The following RAPGEF6 variants were observed in gnomAD, a reference collection of about 807,000 sequenced individuals.
The protein encoded by RAPGEF6 is PDZ domain containing guanine nucleotide exchange factor (GEF) 2.
RAPGEF6 carries 56 observed loss-of-function variants against 171.4 expected under a neutral mutation model. The observed-to-expected ratio is 0.33, with a 90% CI of 0.26 to 0.41. RAPGEF6 has a LOEUF of 0.41. Ranked by LOEUF, RAPGEF6 falls within the 10% of genes least tolerant of loss-of-function variation. The pLI, the probability that RAPGEF6 is intolerant of heterozygous loss-of-function variation, is 1.00. For synonymous variants in RAPGEF6, 692 were observed against 650.1 expected (o/e 1.06, Z -0.98); for missense variants, 1,674 against 1,921.4 (o/e 0.87, Z 2.41).
chr5:131,611,949 C>A (rs1764957281), intron 1 of RAPGEF6, among the ~76,000 whole-genome samples: 2 of 151,940 alleles, frequency 1.3e-5, no homozygotes, highest in Admixed American at 1.3e-4. Flanking sequence ...AGAGACAGTC[C>A]CCATCTTACA....
chr5:131,608,359 C>A (rs760020382), intron 1 of RAPGEF6, among the ~76,000 whole-genome samples: 1 of 152,046 alleles, frequency 6.6e-6, no homozygotes, highest in Non-Finnish European at 1.5e-5. Flanking sequence ...AGATGCCAGC[C>A]GCCAAAAAAG....
intron 12 of RAPGEF6, among the ~76,000 whole-genome samples, chr5:131,496,399 G>A (rs1237392863): frequency 2.0e-5 from 3 of 152,096 alleles, no homozygotes; most frequent in Non-Finnish European, 4.4e-5. Context: ...TGATTTTAAA[G>A]TTCATAATTT....
chr5:131,630,827 CGA>C (rs1318037375), intron 1 of RAPGEF6, among the ~76,000 whole-genome samples: 6 of 152,298 alleles, frequency 3.9e-5, no homozygotes, highest in African/African-American at 1.4e-4. Flanking sequence ...ATCAATTACA[CGA>C]TGCAAACAAA....
intron 19 of RAPGEF6, among the ~76,000 whole-genome samples, chr5:131,460,348 C>T (rs1753827900): frequency 6.6e-6 from 1 of 152,144 alleles, no homozygotes; most frequent in Non-Finnish European, 1.5e-5. Flanking sequence ...CTTACCCTCA[C>T]ACTGAGTCAT....
chr5:131,615,521 C>T lies in RAPGEF6; in HGVS notation c.70-10828G>A, dbSNP rs146378102. Among the ~76,000 whole-genome samples, 487 of 152,220 alleles carry T rather than the reference C, an allele frequency of 3.2e-3. 3 individuals carry two copies. Among genetic ancestry groups the T allele is most frequent in the African/African-American group, 0.011 (453 of 41,522 alleles). On this transcript the variant is annotated intron_variant, in intron 1 of 27. Transcript: ENST00000509018. ...GACTGGAAGTCTTACAGACAGTCTT[C>T]GGCAGTAAAAAATTTAAATGCTAGA...
chr5:131,463,868 T>C (rs1754127423), intron 18 of RAPGEF6, 173 bp downstream of exon 18: 1 of 1,314,488 alleles, frequency 7.6e-7, no homozygotes, highest in Admixed American at 3.5e-5. Context: ...ATTATATCAG[T>C]GGTTCTAAGA....
At chr5:131,558,803 GA>G (rs1761406710) in intron 5 of RAPGEF6, among the ~76,000 whole-genome samples, 1 of 151,968 alleles carries the variant, frequency 6.6e-6, no homozygotes, top group Admixed American at 6.6e-5. Context: ...ATGGTGGTCA[GA>G]AACTATAAAA....
intron 4 of RAPGEF6, among the ~76,000 whole-genome samples, chr5:131,566,169 A>G (rs1561567600): frequency 6.6e-6 from 1 of 151,796 alleles, no homozygotes; most frequent in Non-Finnish European, 1.5e-5. Context: ...AAAAAAAAAA[A>G]GGATCAGGGA....
chr5:131,596,929 A>C (rs1227522483), intron 3 of RAPGEF6, among the ~76,000 whole-genome samples: 1 of 152,222 alleles, frequency 6.6e-6, no homozygotes. Context: ...GCAGCAAAGG[A>C]AACAACTGAC....
At chr5:131,461,597 A>G in intron 19 of RAPGEF6, 108 bp downstream of exon 19, 1 of 1,045,900 alleles carries the variant, frequency 9.6e-7, no homozygotes, top group Non-Finnish European at 1.3e-6. Context: ...CAATAAAGGC[A>G]TATTAATTGA....
intron 4 of RAPGEF6, among the ~76,000 whole-genome samples, chr5:131,585,492 G>T (rs1167523338): frequency 6.6e-6 from 1 of 151,904 alleles, no homozygotes; most frequent in African/African-American, 2.4e-5. Context: ...ATACCTGATT[G>T]CCTCCTTTGG....
chr5:131,561,660 C>CAAAAAAAAAAAAAAAAAAAAAAAAAAA (rs35691525), intron 5 of RAPGEF6, among the ~76,000 whole-genome samples: 1 of 90,906 alleles, frequency 1.1e-5, no homozygotes, highest in Non-Finnish European at 2.2e-5. Context: ...AACTCTGTCT[C>CAAAAAAAAAAAAAAAAAAAAAAAAAAA]AAAAAAAAAA....
chr5:131,471,920 C>A (rs1034332754), intron 17 of RAPGEF6, among the ~76,000 whole-genome samples: 5 of 152,100 alleles, frequency 3.3e-5, no homozygotes, highest in Admixed American at 2.6e-4. Context: ...GTAAGTGAGG[C>A]CACTTAGATT....
At chr5:131,541,463 T>C (rs1760137794) in intron 6 of RAPGEF6, among the ~76,000 whole-genome samples, 2 of 152,036 alleles carry the variant, frequency 1.3e-5, no homozygotes, top group South Asian at 4.1e-4. Flanking sequence ...TGGAGCTAAA[T>C]AAGAAAAGGA....
intron 13 of RAPGEF6, among the ~76,000 whole-genome samples, chr5:131,493,103 C>T (rs569227182): frequency 1.1e-3 from 165 of 152,256 alleles, no homozygotes; most frequent in South Asian, 2.3e-3. Flanking sequence ...CTCGCTCTGT[C>T]GCCCAGGCTG....
intron 27 of RAPGEF6, among the ~76,000 whole-genome samples, chr5:131,428,634 A>AT (rs907543012): frequency 6.6e-5 from 10 of 151,310 alleles, no homozygotes; most frequent in Admixed American, 2.6e-4. Flanking sequence ...CTGATTTTGT[A>AT]TTTTTTTAGT....
chr5:131,615,233 G>A (rs959135414), intron 1 of RAPGEF6, among the ~76,000 whole-genome samples: 1 of 152,132 alleles, frequency 6.6e-6, no homozygotes, highest in Admixed American at 6.5e-5. Flanking sequence ...CTAGTTTGAG[G>A]GTCACAAGAA....
intron 17 of RAPGEF6, among the ~76,000 whole-genome samples, chr5:131,466,077 C>T: frequency 6.7e-6 from 1 of 148,504 alleles, no homozygotes; most frequent in Non-Finnish European, 1.5e-5. Flanking sequence ...ATTTTTTGGT[C>T]CTCTTGAGAC....
At chr5:131,498,633 T>C (rs1349451388) in intron 11 of RAPGEF6, 26 bp from the exon 12 acceptor site, 1 of 1,600,344 alleles carries the variant, frequency 6.2e-7, no homozygotes, top group Non-Finnish European at 8.5e-7. Context: ...TAGGAAGGAT[T>C]AGAAAATAAA....
Sources: gnomAD v4.1 joint callset for allele counts (sites outside exome capture counted in the v4.1 genomes callset) on GRCh38, gnomAD v4.1.1 for gene constraint, MANE v1.5 for transcripts, NCBI Gene and HGNC (gene_info 2026-07-23, HGNC 2026-07-21) for gene names.